MACROD2: variants seen among roughly 807,000 people sequenced by gnomAD.
MACROD2 encodes ADP-ribose glycohydrolase MACROD2.
In MACROD2, 36 loss-of-function variants were observed where a neutral mutation model predicts 70.4. That is an observed-to-expected ratio of 0.51 (90% CI 0.39 to 0.68). The LOEUF (loss-of-function observed/expected upper bound fraction) is 0.68, where lower values mean the gene tolerates loss of function less well. Among genes scored for constraint, MACROD2 ranks in the 30% least tolerant of loss-of-function variants. The probability of loss-of-function intolerance (pLI) is 0.00; values close to 1 mark genes in which losing one functional copy is unlikely to be tolerated. For missense variants in MACROD2, 496 were observed against 538.4 expected (o/e 0.92, Z 0.78); for synonymous variants, 172 against 178.8 (o/e 0.96, Z 0.30).
At chr20:14,575,492 G>T (rs1397738379) in intron 4 of MACROD2, among the ~76,000 whole-genome samples, 4 of 152,066 alleles carry the variant, frequency 2.6e-5, no homozygotes, top group Non-Finnish European at 5.9e-5. Context: ...TTGACTTGTG[G>T]GCTCCCTGAA....
intron 4 of MACROD2, 41 bp from the exon 5 acceptor site, chr20:14,684,802 C>A: frequency 6.6e-7 from 1 of 1,517,532 alleles, no homozygotes; most frequent in Non-Finnish European, 9.1e-7. Flanking sequence ...TATTTATTTC[C>A]AAATGCCAAA....
chr20:14,280,916 A>G (rs2082301357), intron 3 of MACROD2, among the ~76,000 whole-genome samples: 1 of 152,194 alleles, frequency 6.6e-6, no homozygotes. Flanking sequence ...AACTGAAGGG[A>G]AAATTTTTAT....
At chr20:14,086,779 A>G (rs999158914) in intron 3 of MACROD2, among the ~76,000 whole-genome samples, 1 of 152,162 alleles carries the variant, frequency 6.6e-6, no homozygotes, top group African/African-American at 2.4e-5. Flanking sequence ...GGGAATTTGG[A>G]AAGTCTGTTT....
chr20:15,338,340 A>G (rs2078071235), intron 6 of MACROD2, among the ~76,000 whole-genome samples: 1 of 151,630 alleles, frequency 6.6e-6, no homozygotes, highest in Non-Finnish European at 1.5e-5. Flanking sequence ...CCTTTCCCAG[A>G]GAATCTAGCC....
intron 3 of MACROD2, among the ~76,000 whole-genome samples, chr20:14,343,324 C>T (rs373749112): frequency 2.6e-5 from 4 of 151,080 alleles, no homozygotes; most frequent in East Asian, 2.0e-4. Context: ...CTATATGATA[C>T]TTTCTATGTG....
chr20:14,473,326 G>T (rs79105727), intron 3 of MACROD2, among the ~76,000 whole-genome samples: 84 of 152,140 alleles, frequency 5.5e-4, no homozygotes, highest in Non-Finnish European at 9.4e-4. Flanking sequence ...TTTCCCAGCC[G>T]CTGGTAACCA....
intron 5 of MACROD2, among the ~76,000 whole-genome samples, chr20:15,178,650 C>A (rs1806046747): frequency 6.6e-6 from 1 of 152,210 alleles, no homozygotes; most frequent in South Asian, 2.1e-4. Flanking sequence ...GCACCAATCT[C>A]TGTGTCCTGC....
rs150949771 is a variant in MACROD2 at position 14,435,410 on chromosome 20, A to G, written c.272-58069A>G. ...CATTCAAGTTTCCAGGCATTAGGATATGGACATATCTTTTGTGGGGGCACC... is the reference window on the plus strand; with the variant it reads ...CATTCAAGTTTCCAGGCATTAGGATGTGGACATATCTTTTGTGGGGGCACC... On this transcript the variant is annotated intron_variant, in intron 3 of 17. Transcript: ENST00000684519. Among the ~76,000 whole-genome samples the G allele has an allele frequency of 1.1e-3, 164 of 152,294 alleles. 1 individual carries two copies. The highest frequency in any genetic ancestry group is 3.8e-3 in the African/African-American group (160 of 41,562).
At chr20:15,792,500 C>G (rs2206711) in intron 8 of MACROD2, among the ~76,000 whole-genome samples, 11,169 of 151,972 alleles carry the variant, frequency 0.073, 1,412 homozygotes, top group African/African-American at 0.26. Context: ...ACACTTAACC[C>G]AAGGGAAAAT....
chr20:14,152,052 A>G (rs902357964), intron 3 of MACROD2, among the ~76,000 whole-genome samples: 3 of 151,110 alleles, frequency 2.0e-5, no homozygotes, highest in Non-Finnish European at 3.0e-5. Context: ...CGATCTCCTG[A>G]CCTCATGATC....
intron 3 of MACROD2, among the ~76,000 whole-genome samples, chr20:14,280,142 A>G (rs1568535791): frequency 6.6e-6 from 1 of 152,168 alleles, no homozygotes; most frequent in Non-Finnish European, 1.5e-5. Context: ...TTAATTTATC[A>G]CATACAGAAA....
chr20:14,553,125 A>C (rs1978772429), intron 4 of MACROD2, among the ~76,000 whole-genome samples: 1 of 151,938 alleles, frequency 6.6e-6, no homozygotes, highest in Middle Eastern at 3.4e-3. Flanking sequence ...AGTTGTACAA[A>C]ATTTTTTTCT....
At chr20:15,656,109 G>T (rs1233572055) in intron 8 of MACROD2, among the ~76,000 whole-genome samples, 1 of 152,168 alleles carries the variant, frequency 6.6e-6, no homozygotes, top group Non-Finnish European at 1.5e-5. Flanking sequence ...TCTAATGCAA[G>T]CTGTGTTTTT....
At chr20:15,248,484 G>A (rs997211583) in intron 6 of MACROD2, among the ~76,000 whole-genome samples, 17 of 152,114 alleles carry the variant, frequency 1.1e-4, no homozygotes, top group African/African-American at 2.9e-4. Flanking sequence ...TTCTTGCACA[G>A]CAGTATATCT....
rs145094238 is a variant in MACROD2, at chr20:15,673,327, G to A, written c.645+173480G>A. On this transcript the variant is annotated intron_variant, in intron 8 of 17. Coordinates refer to ENST00000684519, the MANE Select transcript of MACROD2 (RefSeq NM_001351661.2). ...AACTTGCTTCTGAACATTCTGTTAC[G>A]TCATTTTTAAATACTTGCCAATTAT... Among the ~76,000 whole-genome samples the A allele has an allele frequency of 7.6e-4, 115 of 152,204 alleles. 1 individual carries two copies. The East Asian group carries it at 0.018, about 24-fold the overall frequency.
At chr20:15,034,137 T>A (rs1022614016) in intron 5 of MACROD2, among the ~76,000 whole-genome samples, 5 of 152,146 alleles carry the variant, frequency 3.3e-5, no homozygotes, top group African/African-American at 4.8e-5. Context: ...AATGTAGATA[T>A]CCTTAAATAA....
chr20:15,904,451 G>C (rs1311317723), intron 10 of MACROD2, among the ~76,000 whole-genome samples: 1 of 152,126 alleles, frequency 6.6e-6, no homozygotes, highest in African/African-American at 2.4e-5. Context: ...ATGTGATTTA[G>C]ATAGTATGAT....
At chr20:14,837,427 A>G (rs1427832532) in intron 5 of MACROD2, among the ~76,000 whole-genome samples, 1 of 152,046 alleles carries the variant, frequency 6.6e-6, no homozygotes, top group Non-Finnish European at 1.5e-5. Context: ...AACACAACTC[A>G]ACATTTTAGT....
Position 15,889,603 on chromosome 20 carries a change from G to A in MACROD2, c.775+3792G>A, listed in dbSNP as rs116809937. ...CCATGGGAGGTAGAAGAAGCAGACT[G>A]GCCTAAATGCCTAGAATTCCTTGTA... is the stretch of plus-strand genomic sequence containing the variant. On this transcript the variant is annotated intron_variant, in intron 10 of 17. Transcript: ENST00000684519. Among the ~76,000 whole-genome samples, 903 of 152,250 alleles carry A rather than the reference G, an allele frequency of 5.9e-3. 7 individuals carry two copies. The highest frequency in any genetic ancestry group is 0.021 in the African/African-American group (863 of 41,550).
Sources: gnomAD v4.1 joint callset for allele counts (sites outside exome capture counted in the v4.1 genomes callset) on GRCh38, gnomAD v4.1.1 for gene constraint, MANE v1.5 for transcripts, NCBI Gene and HGNC (gene_info 2026-07-23, HGNC 2026-07-21) for gene names.